Variants in ZBED6 observed in about 807,000 individuals in gnomAD.
ZBED6 encodes the protein zinc finger BED domain-containing protein 6.
ZBED6 carries 40 observed loss-of-function variants against 58.4 expected under a neutral mutation model. The ratio of observed to expected loss-of-function variants is 0.68; its 90% CI spans 0.53 to 0.89. The LOEUF (loss-of-function observed/expected upper bound fraction) is 0.89, where lower values mean the gene tolerates loss of function less well. Ranked by LOEUF, ZBED6 falls within the 40% of genes least tolerant of loss-of-function variation. ZBED6 has a pLI of 0.00. For missense variants in ZBED6, 1,057 were observed against 1,003.9 expected (o/e 1.05, Z -0.71); for synonymous variants, 439 against 350.6 (o/e 1.25, Z -2.82).
intron 3 of ZBED6, among the ~76,000 whole-genome samples, chr1:203,827,718 A>ACAT (rs1681034077): frequency 1.3e-5 from 2 of 151,916 alleles, no homozygotes; most frequent in Non-Finnish European, 2.9e-5. Flanking sequence ...TGGGAAGGAT[A>ACAT]CCTAACATCC....
intron 3 of ZBED6, among the ~76,000 whole-genome samples, chr1:203,822,704 G>A (rs1283023736): frequency 6.6e-6 from 1 of 152,132 alleles, no homozygotes; most frequent in Non-Finnish European, 1.5e-5. Flanking sequence ...ACACTTGTCA[G>A]GGTACCCTTT....
chr1:203,851,729 G>A (rs1274693514), intron 16 of ZBED6, among the ~76,000 whole-genome samples: 2 of 152,042 alleles, frequency 1.3e-5, no homozygotes, highest in Non-Finnish European at 1.5e-5. Context: ...TTGGGAGACT[G>A]GGGCTGGAGA....
At chr1:203,810,442 C>CAG (rs1194821080) in intron 1 of ZBED6, among the ~76,000 whole-genome samples, 2 of 132,924 alleles carry the variant, frequency 1.5e-5, no homozygotes, top group Admixed American at 7.4e-5. Context: ...TTTTTTGAGA[C>CAG]AGAGTCTCAC....
At chr1:203,847,293 A>G in exon 12 of ZBED6, 2 of 1,613,952 alleles carry the variant, frequency 1.2e-6, no homozygotes, top group Non-Finnish European at 1.7e-6. Context: ...AGACAGAAGG[A>G]CCTTCAAAAA....
Position 203,815,211 on chromosome 1 carries a change from C to CTTTCTTTTTT in ZBED6, c.*2555-1712_*2555-1711insCTTTTTTTTT, listed in dbSNP as rs779729339. ...GTTATTTCATTATTTTCTTCCTTTT[C>CTTTCTTTTTT]TTTTCTTTTTTTTTTTTTTTTGAGA... On this transcript the variant is annotated intron_variant, in intron 1 of 16. Coordinates refer to ENST00000550078, the Ensembl canonical transcript of ZBED6. 1.5e-3 allele frequency among the ~76,000 whole-genome samples: 90 copies of CTTTCTTTTTT among 59,362 alleles called. 3 individuals are homozygous for CTTTCTTTTTT. Among genetic ancestry groups the CTTTCTTTTTT allele is most frequent in the East Asian group, 8.9e-3 (24 of 2,694 alleles). 38.9% of individuals were successfully genotyped at this position (59,362 alleles called of 152,430 possible). A position where few individuals can be genotyped will look rare whatever the true frequency, so the allele number is the denominator to read the frequency against.
At chr1:203,824,137 G>T (rs1288100733) in intron 3 of ZBED6, among the ~76,000 whole-genome samples, 1 of 151,964 alleles carries the variant, frequency 6.6e-6, no homozygotes, top group African/African-American at 2.4e-5. Context: ...GCGTGGTGAC[G>T]CAGCCATGTA....
In ZBED6 at chr1:203,835,859, G is replaced by T. The variant is rs1275282749; in HGVS notation, c.*3573+2006G>T. ...AAGCTATGTGCTCCCTTTTTTTCCG[G>T]AGACCCCACTTATAGCCAGCAAAAA... On this transcript the variant is annotated intron_variant, in intron 9 of 16. Transcript: ENST00000550078. The T allele has an allele frequency of 1.2e-5, 3 of 241,312 alleles. No homozygotes were observed. In the East Asian group the frequency reaches 3.0e-4, roughly 24 times the overall value. 14.9% of individuals were successfully genotyped at this position (241,312 alleles called of 1,614,324 possible). A position where few individuals can be genotyped will look rare whatever the true frequency, so the allele number is the denominator to read the frequency against.
rs979249597 is a variant in ZBED6, at chr1:203,800,488, C to T, written c.*26C>T. 6.2e-6 allele frequency: 9 copies of T among 1,458,292 alleles called. No homozygotes were observed. The African/African-American group carries it at 1.3e-4, about 21-fold the overall frequency. The allele number at this position is 1,458,292 out of a possible 1,614,324, so 90.3% of individuals were successfully genotyped here. ...TTTCTTTTTCTCCATTTAAAATGGG[C>T]AACTTTTTGCTGTGTTACTGTATCT... is the stretch of plus-strand genomic sequence containing the variant. On this transcript the variant is annotated 3_prime_UTR_variant, in exon 1 of 17. Coordinates refer to ENST00000550078, the Ensembl canonical transcript of ZBED6.
chr1:203,801,279 A>G (rs974709538), exon 1 of ZBED6: 1 of 152,150 alleles, frequency 6.6e-6, no homozygotes, highest in Admixed American at 6.5e-5. Flanking sequence ...TTGTTTCTGT[A>G]ATTTTAGGTA....
chr1:203,821,583 G>T (rs992483030), intron 3 of ZBED6, among the ~76,000 whole-genome samples: 2 of 152,074 alleles, frequency 1.3e-5, no homozygotes, highest in African/African-American at 2.4e-5. Flanking sequence ...CTTCAGCCCT[G>T]TATTCGGCCA....
chr1:203,853,234 T>C (rs1689627316), exon 17 of ZBED6: 3 of 152,620 alleles, frequency 2.0e-5, no homozygotes, highest in Admixed American at 2.0e-4. Context: ...GGACAAAATT[T>C]GGTTAATTTT....
At chr1:203,796,691 A>G (rs374510554) in exon 1 of ZBED6, 9 of 375,020 alleles carry the variant, frequency 2.4e-5, no homozygotes, top group African/African-American at 1.7e-4. Context: ...TGCTATCTCT[A>G]TAGCGTACAA....
At chr1:203,849,407 A>G (rs1688737222) in intron 13 of ZBED6, among the ~76,000 whole-genome samples, 1 of 152,226 alleles carries the variant, frequency 6.6e-6, no homozygotes, top group African/African-American at 2.4e-5. Context: ...TACACAATTT[A>G]AAGTAATATA....
At chr1:203,810,422 G>A (rs1316316549) in intron 1 of ZBED6, among the ~76,000 whole-genome samples, 2 of 138,610 alleles carry the variant, frequency 1.4e-5, no homozygotes, top group East Asian at 5.3e-4. Context: ...GTAGCTGTTA[G>A]GTTTTTTTTT....
At chr1:203,804,150 GTGT>G (rs1558093761) in intron 1 of ZBED6, among the ~76,000 whole-genome samples, 1 of 131,016 alleles carries the variant, frequency 7.6e-6, no homozygotes. Flanking sequence ...TCCTGTATAT[GTGT>G]TTTTTTTTTT....
chr1:203,802,378 A>G (rs1252172980), exon 1 of ZBED6: 2 of 152,524 alleles, frequency 1.3e-5, no homozygotes, highest in Non-Finnish European at 2.9e-5. Context: ...TTTATAGTGC[A>G]TTTTAAAAGG....
At chr1:203,837,873 CAG>C in intron 9 of ZBED6, 91 bp from the exon 10 acceptor site, 1 of 1,189,114 alleles carries the variant, frequency 8.4e-7, no homozygotes, top group Non-Finnish European at 1.2e-6. Flanking sequence ...GAACACTTAA[CAG>C]AATTATGCTA....
At chr1:203,827,307 C>A (rs993043915) in intron 3 of ZBED6, among the ~76,000 whole-genome samples, 3 of 151,498 alleles carry the variant, frequency 2.0e-5, no homozygotes, top group African/African-American at 4.8e-5. Flanking sequence ...GGACATACAT[C>A]CTATGATTCA....
chr1:203,826,657 CTCTG>C (rs1242815542), intron 3 of ZBED6, among the ~76,000 whole-genome samples: 2 of 152,050 alleles, frequency 1.3e-5, no homozygotes, highest in African/African-American at 2.4e-5. Context: ...GTTATTGTTT[CTCTG>C]TCTCTCTTCT....
Sources: allele counts gnomAD v4.1 joint callset (sites outside exome capture counted in the v4.1 genomes callset), GRCh38; gene constraint gnomAD v4.1.1; transcripts MANE v1.5; gene names NCBI Gene and HGNC (gene_info 2026-07-23, HGNC 2026-07-21).